Variants in SHC3 observed in about 807,000 individuals in gnomAD.
The protein encoded by SHC3 is SHC adaptor protein 3.
Under a neutral mutation model 60.4 loss-of-function variants are expected in SHC3, and 15 were observed. The observed-to-expected ratio is 0.25, with a 90% CI of 0.17 to 0.38. SHC3 has a LOEUF of 0.38. SHC3 is among the 10% of genes least tolerant of loss of function. The probability of loss-of-function intolerance (pLI) is 1.00; values close to 1 mark genes in which losing one functional copy is unlikely to be tolerated. For missense variants in SHC3, 677 were observed against 786.1 expected, an observed-to-expected ratio of 0.86 and a Z score of 1.66; for synonymous variants, 294 against 325.9, an observed-to-expected ratio of 0.90 and a Z score of 1.05.
chr9:89,074,740 C>T (rs1825329008), intron 4 of SHC3, among the ~76,000 whole-genome samples: 1 of 147,082 alleles, frequency 6.8e-6, no homozygotes. Context: ...CATGACATGC[C>T]GTCCACTTCA....
intron 2 of SHC3, among the ~76,000 whole-genome samples, chr9:89,095,800 C>T (rs1825692961): frequency 6.6e-6 from 1 of 152,144 alleles, no homozygotes; most frequent in South Asian, 2.1e-4. Flanking sequence ...TTTCTTCATT[C>T]TGAGCAAAAT....
intron 5 of SHC3, among the ~76,000 whole-genome samples, chr9:89,070,024 C>A (rs1398673161): frequency 6.6e-6 from 1 of 152,192 alleles, no homozygotes; most frequent in Non-Finnish European, 1.5e-5. Flanking sequence ...ATGAAGAGAT[C>A]TTGGACCAGT....
chr9:89,139,968 A>G (rs1470870043), intron 1 of SHC3, among the ~76,000 whole-genome samples: 1 of 152,220 alleles, frequency 6.6e-6, no homozygotes, highest in African/African-American at 2.4e-5. Context: ...CAAGCCTAAT[A>G]TCTGACCTGA....
chr9:89,131,987 C>A (rs1404631541), intron 1 of SHC3, among the ~76,000 whole-genome samples: 1 of 152,152 alleles, frequency 6.6e-6, no homozygotes, highest in South Asian at 2.1e-4. Flanking sequence ...TTGCAGATGA[C>A]GTGATTGTAT....
intron 1 of SHC3, among the ~76,000 whole-genome samples, chr9:89,153,678 G>A (rs1423519053): frequency 6.6e-5 from 10 of 152,200 alleles, no homozygotes; most frequent in Admixed American, 4.6e-4. Flanking sequence ...ACGGTGCCAC[G>A]ACATCACCTT....
chr9:89,166,327 A>G (rs1826788945), intron 1 of SHC3, among the ~76,000 whole-genome samples: 1 of 152,138 alleles, frequency 6.6e-6, no homozygotes, highest in Non-Finnish European at 1.5e-5. Context: ...TCTATCCCCA[A>G]TCCTAGCACA....
intron 5 of SHC3, among the ~76,000 whole-genome samples, chr9:89,069,915 C>T (rs111686966): frequency 0.023 from 3,558 of 152,292 alleles, 61 homozygotes; most frequent in Middle Eastern, 0.068. Flanking sequence ...TTTTCTAATC[C>T]AGTTTCCAAG....
intron 7 of SHC3, 71 bp downstream of exon 7, chr9:89,051,966 G>A (rs1260643987): frequency 4.4e-6 from 7 of 1,587,146 alleles, no homozygotes; most frequent in Non-Finnish European, 6.0e-6. Flanking sequence ...ACAGCTCAGG[G>A]ATGTGGTTTT....
At chr9:89,118,988 T>G (rs2118134967) in intron 1 of SHC3, among the ~76,000 whole-genome samples, 1 of 152,276 alleles carries the variant, frequency 6.6e-6, no homozygotes, top group East Asian at 1.9e-4. Flanking sequence ...TTTTTTACAA[T>G]GATCAGAAAC....
At position 89,037,860 on chromosome 9, in the gene SHC3, C is replaced by T. The variant is rs76512731; in HGVS notation, c.1656+133G>A. ...TGATGACAGGAGTTGTCTGTCCCTG[C>T]GTTCCCCTGGAGGACTCAGTAGGCA... On this transcript the variant is annotated intron_variant, in intron 11 of 11. Coordinates refer to ENST00000375835, the MANE Select transcript of SHC3 (RefSeq NM_016848.6). 1,054 of 1,165,456 alleles carry T rather than the reference C, an allele frequency of 9.0e-4. 6 individuals are homozygous for T. In the African/African-American group the frequency reaches 0.014, roughly 15 times the overall value. 72.2% of individuals were successfully genotyped at this position (1,165,456 alleles called of 1,614,324 possible). A position where few individuals can be genotyped will look rare whatever the true frequency, so the allele number is the denominator to read the frequency against.
In SHC3 at chr9:89,052,038, G is replaced by A; in HGVS notation, c.961C>T (p.Arg321Ter). The A allele has an allele frequency of 1.2e-6, 2 of 1,613,482 alleles. No homozygotes were observed. Among genetic ancestry groups the A allele is most frequent in the Non-Finnish European group, 1.7e-6 (2 of 1,179,624 alleles). ...CPTKIPALHDRMQSLDEPWTE... is the reference protein window; with the variant it reads ...CPTKIPALHD ...AAATGGTGTCACAGCACTACTCACCGATCATGGAGAGCGGGAATCTTGGTA... is the reference window on the plus strand; with the variant it reads ...AAATGGTGTCACAGCACTACTCACCAATCATGGAGAGCGGGAATCTTGGTA... The change falls in exon 7 of 12, where the codon CGA becomes TGA. Residue 321 changes from arginine (R) to a stop codon, truncating the protein, a stop_gained and splice_region_variant. Transcript: ENST00000375835. LOFTEE classifies it high-confidence loss of function.
intron 2 of SHC3, among the ~76,000 whole-genome samples, chr9:89,089,164 C>G (rs1825580851): frequency 6.6e-6 from 1 of 152,146 alleles, no homozygotes; most frequent in Admixed American, 6.5e-5. Context: ...GGATGATGCA[C>G]CAGAAGCTGG....
intron 11 of SHC3, among the ~76,000 whole-genome samples, chr9:89,023,938 C>T (rs939762707): frequency 2.0e-5 from 3 of 152,238 alleles, no homozygotes; most frequent in African/African-American, 7.2e-5. Flanking sequence ...CCCACACATC[C>T]AGGCCCCATT....
At chr9:89,064,597 C>T (rs1271596751) in intron 6 of SHC3, among the ~76,000 whole-genome samples, 2 of 152,094 alleles carry the variant, frequency 1.3e-5, no homozygotes, top group African/African-American at 4.8e-5. Flanking sequence ...GGGCCCCACT[C>T]TCTGAGGCCT....
chr9:89,102,955 T>A (rs1825804292), intron 2 of SHC3, among the ~76,000 whole-genome samples: 1 of 152,148 alleles, frequency 6.6e-6, no homozygotes, highest in Non-Finnish European at 1.5e-5. Flanking sequence ...TAAATCCAAC[T>A]GTGGCTCAAT....
At chr9:89,033,719 T>A (rs1824528336) in intron 11 of SHC3, among the ~76,000 whole-genome samples, 4 of 152,194 alleles carry the variant, frequency 2.6e-5, no homozygotes, top group Admixed American at 2.6e-4. Context: ...ACTAGCCACA[T>A]AATGAAGAAA....
chr9:89,109,142 A>G (rs1825908757), intron 2 of SHC3: 1 of 984,928 alleles, frequency 1.0e-6, no homozygotes, highest in African/African-American at 1.7e-5. Context: ...CAAACAACAT[A>G]AATATCTTGT....
chr9:89,087,144 C>G (rs1259256910), intron 2 of SHC3, among the ~76,000 whole-genome samples: 1 of 152,138 alleles, frequency 6.6e-6, no homozygotes, highest in African/African-American at 2.4e-5. Flanking sequence ...CACAGGAGAA[C>G]TGGAATTAAA....
chr9:89,134,164 T>C (rs1261628236), intron 1 of SHC3, among the ~76,000 whole-genome samples: 1 of 152,102 alleles, frequency 6.6e-6, no homozygotes, highest in Non-Finnish European at 1.5e-5. Context: ...TTCTACAATA[T>C]GCAAGGAGTG....
Sources: allele counts gnomAD v4.1 joint callset (sites outside exome capture counted in the v4.1 genomes callset), GRCh38; gene constraint gnomAD v4.1.1; transcripts MANE v1.5; gene names NCBI Gene and HGNC (gene_info 2026-07-23, HGNC 2026-07-21).